Variants in TYW1 observed in about 807,000 individuals in gnomAD.
TYW1 encodes the protein tRNA-yW synthesizing protein 1 homolog.
In TYW1, 46 loss-of-function variants were observed where a neutral mutation model predicts 96.2. The ratio of observed to expected loss-of-function variants is 0.48; its 90% CI spans 0.38 to 0.61. The LOEUF is 0.61. TYW1 is among the 20% of genes least tolerant of loss of function. The pLI is 0.00. For missense variants in TYW1, 684 were observed against 909.6 expected (o/e 0.75, Z 3.19); for synonymous variants, 274 against 323.0 (o/e 0.85, Z 1.63).
At chr7:67,156,152 G>C (rs1403273761) in intron 13 of TYW1, among the ~76,000 whole-genome samples, 1 of 152,152 alleles carries the variant, frequency 6.6e-6, no homozygotes, top group African/African-American at 2.4e-5. Context: ...GTGGGGTCCT[G>C]GTCGGGCCAG....
chr7:67,152,037 C>T (rs115313169), intron 13 of TYW1, among the ~76,000 whole-genome samples: 5,020 of 151,672 alleles, frequency 0.033, 281 homozygotes, highest in East Asian at 0.16. Flanking sequence ...GTCTCAAACT[C>T]CTGGCTCAAG....
chr7:67,160,053 C>T (rs1340412414), intron 13 of TYW1, among the ~76,000 whole-genome samples: 2 of 152,180 alleles, frequency 1.3e-5, no homozygotes. Flanking sequence ...CAGCCCGCCT[C>T]AGCCTCCCAA....
rs1798063734 is a variant in TYW1, at chr7:67,131,223, G to A, written c.1698+13605G>A. On this transcript the variant is annotated intron_variant, in intron 13 of 15. Transcript: ENST00000359626. Reference sequence around the variant, plus strand: ...ACTCACTTTTCTCACCTGTGAAATGGGGTAAATAACAGTGCCTACCTTATA... The same window carrying A: ...ACTCACTTTTCTCACCTGTGAAATGAGGTAAATAACAGTGCCTACCTTATA... 2.0e-5 allele frequency among the ~76,000 whole-genome samples: 3 copies of A among 151,878 alleles called. No individual in the cohort carries two copies. The South Asian group carries it at 6.2e-4, about 32-fold the overall frequency.
chr7:67,170,862 C>T (rs984933024), intron 13 of TYW1, among the ~76,000 whole-genome samples: 2 of 152,204 alleles, frequency 1.3e-5, no homozygotes, highest in Admixed American at 1.3e-4. Flanking sequence ...AGAATTTCTA[C>T]ATCATAAGGG....
chr7:66,999,361 A>G (rs923694076), intron 3 of TYW1, among the ~76,000 whole-genome samples: 8 of 151,836 alleles, frequency 5.3e-5, no homozygotes, highest in African/African-American at 1.9e-4. Context: ...TTTATTTTTT[A>G]TTTTGTTTTT....
intron 10 of TYW1, among the ~76,000 whole-genome samples, chr7:67,071,387 G>GA (rs753121317): frequency 0.065 from 8,388 of 128,434 alleles, 329 homozygotes; most frequent in Admixed American, 0.083. Flanking sequence ...AAAAAAATTG[G>GA]AAAAAAAAAA....
At position 67,064,401 on chromosome 7, in the gene TYW1, T is replaced by C. The variant is rs143775731; in HGVS notation, c.1156-2884T>C. Among the ~76,000 whole-genome samples, 934 of 152,320 alleles carry C rather than the reference T, an allele frequency of 6.1e-3. 13 individuals carry two copies. Among genetic ancestry groups the C allele is most frequent in the Non-Finnish European group, 8.1e-3 (550 of 68,032 alleles). ...ATCTCAGAAATAGACTCACAAAATA[T>C]GTTTAACTGGGTTTTTACAAAAATG... On this transcript the variant is annotated intron_variant, in intron 9 of 15. Transcript: ENST00000359626.
At chr7:67,237,713 A>C (rs1009856992) in intron 15 of TYW1, among the ~76,000 whole-genome samples, 1 of 151,702 alleles carries the variant, frequency 6.6e-6, no homozygotes, top group African/African-American at 2.4e-5. Context: ...GTGACTTTTG[A>C]GAAGCAATTT....
chr7:67,210,676 GTCTA>G (rs1800971167), intron 15 of TYW1, among the ~76,000 whole-genome samples: 1 of 139,424 alleles, frequency 7.2e-6, no homozygotes. Context: ...TCCGTCATCT[GTCTA>G]TCCATCCATT....
At chr7:67,168,812 A>C (rs937474889) in intron 13 of TYW1, among the ~76,000 whole-genome samples, 1 of 151,968 alleles carries the variant, frequency 6.6e-6, no homozygotes, top group Non-Finnish European at 1.5e-5. Context: ...CCCAGGTTCA[A>C]GCGGTTCTCC....
Position 67,018,154 on chromosome 7 carries a change from T to C in TYW1, c.861+11T>C, listed in dbSNP as rs761477758. On this transcript the variant is annotated intron_variant, in intron 6 of 15. Transcript: ENST00000359626. ...CATAGAGACACCGAGGTATACCGCCTGTGTGTTCATCTCTCGAGGCTTTCC... is the reference window on the plus strand; with the variant it reads ...CATAGAGACACCGAGGTATACCGCCCGTGTGTTCATCTCTCGAGGCTTTCC... The C allele has an allele frequency of 6.7e-5, 107 of 1,607,716 alleles. No individual in the cohort carries two copies. The highest frequency in any genetic ancestry group is 8.8e-5 in the Non-Finnish European group (103 of 1,175,192).
At chr7:67,146,840 A>G (rs944693056) in intron 13 of TYW1, among the ~76,000 whole-genome samples, 2 of 152,204 alleles carry the variant, frequency 1.3e-5, no homozygotes, top group Non-Finnish European at 2.9e-5. Context: ...AGAGACTCAG[A>G]TTCCTGTCTT....
intron 13 of TYW1, among the ~76,000 whole-genome samples, chr7:67,128,690 GTTTTTT>G (rs59475781): frequency 5.8e-5 from 8 of 137,034 alleles, no homozygotes; most frequent in African/African-American, 7.9e-5. Flanking sequence ...AGGTCTCAGT[GTTTTTT>G]TTTTTTTTTT....
At chr7:67,180,047 G>A (rs1315302905) in intron 13 of TYW1, among the ~76,000 whole-genome samples, 2 of 129,378 alleles carry the variant, frequency 1.5e-5, no homozygotes, top group Non-Finnish European at 3.2e-5. Context: ...GGCTGGTCTC[G>A]AATTCCTGGC....
chr7:67,174,744 C>G (rs1584655042), intron 13 of TYW1, among the ~76,000 whole-genome samples: 2 of 150,278 alleles, frequency 1.3e-5, no homozygotes, highest in South Asian at 4.2e-4. Flanking sequence ...TTCAAAAAAT[C>G]TTACAAAACT....
intron 7 of TYW1, among the ~76,000 whole-genome samples, chr7:67,047,449 C>G (rs62466630): frequency 1.3e-5 from 2 of 151,994 alleles, no homozygotes; most frequent in Admixed American, 6.6e-5. Flanking sequence ...TATAAAAGGC[C>G]TAGCATTAAG....
At chr7:67,019,353 G>A (rs867796073) in intron 6 of TYW1, among the ~76,000 whole-genome samples, 2 of 151,992 alleles carry the variant, frequency 1.3e-5, no homozygotes, top group African/African-American at 2.4e-5. Flanking sequence ...GTACCACTAC[G>A]CCCAGCTAAT....
chr7:67,089,981 C>T (rs1796662208), intron 11 of TYW1, among the ~76,000 whole-genome samples: 2 of 152,264 alleles, frequency 1.3e-5, no homozygotes, highest in Admixed American at 1.3e-4. Context: ...CAGCAAACAT[C>T]AAGTGATTGC....
At chr7:67,116,104 T>C (rs1316886910) in intron 12 of TYW1, among the ~76,000 whole-genome samples, 1 of 152,060 alleles carries the variant, frequency 6.6e-6, no homozygotes, top group Non-Finnish European at 1.5e-5. Flanking sequence ...GGTGTGTGGA[T>C]CACCTGAGGT....
Sources: gnomAD v4.1 joint callset for allele counts (sites outside exome capture counted in the v4.1 genomes callset) on GRCh38, gnomAD v4.1.1 for gene constraint, MANE v1.5 for transcripts, NCBI Gene and HGNC (gene_info 2026-07-23, HGNC 2026-07-21) for gene names.